WDR44: variants seen among roughly 807,000 people sequenced by gnomAD.
WDR44 encodes the protein WD repeat-containing protein 44.
Under a neutral mutation model 65.7 loss-of-function variants are expected in WDR44, and 9 were observed. That is an observed-to-expected ratio of 0.14 (90% confidence interval 0.08 to 0.24). WDR44 has a LOEUF of 0.24. Ranked by LOEUF, WDR44 falls within the 10% of genes least tolerant of loss-of-function variation. WDR44 has a pLI of 1.00. For missense variants in WDR44, 425 were observed against 670.9 expected (o/e 0.63, Z 4.05); for synonymous variants, 220 against 235.2 (o/e 0.94, Z 0.59).
chrX:118,348,261 A>G (rs1473198443), intron 1 of WDR44, among the ~76,000 whole-genome samples: 2 of 111,919 alleles, frequency 1.8e-5, no homozygotes, highest in Non-Finnish European at 3.8e-5. Flanking sequence ...GCATTGGCAA[A>G]TTTGTTAACT....
intron 11 of WDR44, 115 bp downstream of exon 11, chrX:118,409,742 C>A (rs2056997536): frequency 2.6e-6 from 2 of 763,572 alleles, no homozygotes; most frequent in Non-Finnish European, 3.6e-6. Context: ...TGATAATAGC[C>A]AAAAACTTGA....
At chrX:118,349,672 C>G (rs2056386257) in intron 1 of WDR44, among the ~76,000 whole-genome samples, 1 of 110,749 alleles carries the variant, frequency 9.0e-6, no homozygotes, top group South Asian at 3.8e-4. Flanking sequence ...AGTCTCCTGC[C>G]TCAGCCTCCT....
intron 2 of WDR44, among the ~76,000 whole-genome samples, chrX:118,381,015 G>C (rs997664115): frequency 8.9e-6 from 1 of 111,934 alleles, no homozygotes; most frequent in Non-Finnish European, 1.9e-5. Context: ...AAAAGTTTCA[G>C]TGGTAGAGTA....
At chrX:118,406,290 G>A (rs920856841) in intron 9 of WDR44, among the ~76,000 whole-genome samples, 9 of 111,329 alleles carry the variant, frequency 8.1e-5, no homozygotes, top group Non-Finnish European at 1.7e-4. Flanking sequence ...GTAGGGCTGG[G>A]TATGATGGCT....
chrX:118,445,558 T>C (rs2057338944), intron 19 of WDR44, among the ~76,000 whole-genome samples: 1 of 112,387 alleles, frequency 8.9e-6, no homozygotes. Flanking sequence ...GGGCTAATTT[T>C]TCTACTTGCC....
chrX:118,377,723 C>CTT (rs1189608732), intron 1 of WDR44, among the ~76,000 whole-genome samples: 25,966 of 78,625 alleles, frequency 0.33, 5,069 homozygotes, highest in African/African-American at 0.62. Context: ...TCTTCTCTCT[C>CTT]TTTTTTTTTT....
intron 12 of WDR44, among the ~76,000 whole-genome samples, chrX:118,430,087 A>G (rs776940379): frequency 8.0e-5 from 9 of 111,940 alleles, no homozygotes; most frequent in Non-Finnish European, 1.5e-4. Context: ...GTATAATAGG[A>G]AGATTGGTAA....
intron 7 of WDR44, among the ~76,000 whole-genome samples, chrX:118,397,750 G>A (rs1185651710): frequency 8.9e-6 from 1 of 111,770 alleles, no homozygotes; most frequent in African/African-American, 3.2e-5. Flanking sequence ...CTTAATGAGT[G>A]GGGAGGAAGA....
intron 8 of WDR44, 142 bp downstream of exon 8, chrX:118,398,612 A>ATGAAG (rs2147708016): frequency 2.1e-6 from 1 of 487,427 alleles, no homozygotes; most frequent in East Asian, 3.8e-5. Context: ...CTGATGGGTT[A>ATGAAG]TGAAGTTGTA....
Position 118,444,461 on chromosome X carries a change from G to C in WDR44, c.2614G>C (p.Glu872Gln), listed in dbSNP as rs201565837. The C allele has an allele frequency of 2.1e-5, 25 of 1,209,806 alleles. No homozygotes were observed. The highest frequency in any genetic ancestry group is 2.6e-5 in the Non-Finnish European group (23 of 894,919). The change falls in exon 19 of 20, where the codon GAA (glutamate) becomes CAA (glutamine). Residue 872 changes from glutamate (E) to glutamine (Q), a missense_variant. By Grantham distance (29) the Glu-to-Gln change is conservative. This residue lies in a region of WDR44 where 37 missense variants were observed against 40.9 expected (regional missense o/e 0.90). Transcript: ENST00000254029. Reference protein sequence around the residue: ...SEKSEGNEKSEDAEVLDATPS... With the variant: ...SEKSEGNEKSQDAEVLDATPS... ...AAAATCAGAAGGGAACGAGAAAAGT[G>C]AAGATGCTGAAGTTTTGGATGCCAC...
chrX:118,405,958 A>G (rs1252887307), intron 9 of WDR44, among the ~76,000 whole-genome samples: 3 of 110,434 alleles, frequency 2.7e-5, no homozygotes, highest in Non-Finnish European at 5.7e-5. Context: ...CTGGTCAAAC[A>G]TAGTGAGACC....
chrX:118,365,080 A>G (rs1044510105), intron 1 of WDR44, among the ~76,000 whole-genome samples: 5 of 111,780 alleles, frequency 4.5e-5, no homozygotes, highest in African/African-American at 1.6e-4. Flanking sequence ...CAAAAAGTAT[A>G]TGATGTTCCT....
chrX:118,378,337 G>A, intron 1 of WDR44, 82 bp from the exon 2 acceptor site: 2 of 761,166 alleles, frequency 2.6e-6, no homozygotes, highest in Non-Finnish European at 3.9e-6. Context: ...TTTAAATGTG[G>A]ACTTGTCTGT....
At position 118,428,702 on chromosome X, in the gene WDR44, G is replaced by C. The variant is rs747688068; in HGVS notation, c.1738-4079G>C. ...TTTGACCCAGCAATCCCATTACTGGGTATATACCCAAAGGAATAGAAATCA... is the reference window on the plus strand; with the variant it reads ...TTTGACCCAGCAATCCCATTACTGGCTATATACCCAAAGGAATAGAAATCA... On this transcript the variant is annotated intron_variant, in intron 12 of 19. Transcript: ENST00000254029. Among the ~76,000 whole-genome samples, 7 of 111,851 alleles carry C rather than the reference G, an allele frequency of 6.3e-5. No individual in the cohort carries two copies. The Admixed American group carries it at 6.7e-4, about 11-fold the overall frequency.
chrX:118,393,355 G>A, intron 4 of WDR44, 84 bp downstream of exon 4: 1 of 1,040,871 alleles, frequency 9.6e-7, no homozygotes, highest in Non-Finnish European at 1.3e-6. Context: ...GGCCAAGGCG[G>A]GCGGATCGCT....
chrX:118,431,681 C>T (rs2057212731), intron 12 of WDR44, among the ~76,000 whole-genome samples: 2 of 112,125 alleles, frequency 1.8e-5, no homozygotes, highest in South Asian at 7.4e-4. Flanking sequence ...TTTTCTCTGT[C>T]CTCATCATCC....
intron 1 of WDR44, among the ~76,000 whole-genome samples, chrX:118,350,833 A>T (rs1295379477): frequency 1.8e-5 from 2 of 111,522 alleles, no homozygotes; most frequent in East Asian, 2.8e-4. Context: ...TTAGAGTAGG[A>T]AGGGACTGGA....
chrX:118,387,326 T>G lies in WDR44; in HGVS notation c.112-14T>G. The G allele has an allele frequency of 8.6e-7, 1 of 1,164,583 alleles. No homozygotes were observed. On this transcript the variant is annotated splice_polypyrimidine_tract_variant and intron_variant, in intron 2 of 19. Coordinates refer to ENST00000254029, the MANE Select transcript of WDR44 (RefSeq NM_019045.5). ...GTCATCATTTGGTCTCTATTTCTTT[T>G]CTTTTTCAAACAGGAAACAGAGAAC...
chrX:118,396,043 T>TAATA (rs34451959), intron 6 of WDR44, among the ~76,000 whole-genome samples: 45,748 of 108,710 alleles, frequency 0.42, 10,195 homozygotes, highest in African/African-American at 0.83. Context: ...TTTAAAATAA[T>TAATA]ATAATAATAA....
Sources: allele counts gnomAD v4.1 joint callset (sites outside exome capture counted in the v4.1 genomes callset), GRCh38; gene constraint gnomAD v4.1.1; regional missense constraint gnomAD v4.1.1; transcripts MANE v1.5; gene names NCBI Gene and HGNC (gene_info 2026-07-23, HGNC 2026-07-21).